The following PANK2 variants were observed in gnomAD, a reference collection of about 807,000 sequenced individuals.
PANK2 encodes pantothenate kinase 2, mitochondrial.
A neutral mutation model predicts 43.1 loss-of-function variants in PANK2; 36 were observed. The ratio of observed to expected loss-of-function variants is 0.84; its 90% CI spans 0.64 to 1.10. The LOEUF (loss-of-function observed/expected upper bound fraction) is 1.10. Ranked by LOEUF, PANK2 falls within the 50% of genes least tolerant of loss-of-function variation. PANK2 has a pLI of 0.00. For missense variants in PANK2, 576 were observed against 593.3 expected, an observed-to-expected ratio of 0.97 and a Z score of 0.30; for synonymous variants, 281 against 238.2, an observed-to-expected ratio of 1.18 and a Z score of -1.66.
Position 3,929,615 on chromosome 20 carries a change from C to T in PANK2, c.*6321C>T, listed in dbSNP as rs2090790700. 6.6e-6 allele frequency: 1 copy of T among 152,458 alleles called. No homozygotes were observed. The allele number at this position is 152,458 out of a possible 1,614,324, so 9.4% of individuals were successfully genotyped here. A position where few individuals can be genotyped will look rare whatever the true frequency, so the allele number is the denominator to read the frequency against. The stretch of plus-strand genomic sequence containing the variant: ...TTGCAGCCACACATCACCACTGGTC[C>T]TCACTTGGAACTGGCCAAGGTAGGG... On this transcript the variant is annotated 3_prime_UTR_variant, in exon 7 of 7. Coordinates refer to ENST00000610179, the MANE Select transcript of PANK2 (RefSeq NM_001386393.1).
At chr20:3,920,146 C>G (rs1263045300) in intron 6 of PANK2, among the ~76,000 whole-genome samples, 2 of 151,814 alleles carry the variant, frequency 1.3e-5, no homozygotes, top group Non-Finnish European at 2.9e-5. Context: ...AGATCTTTTT[C>G]TGCTTTATTT....
intron 1 of PANK2, among the ~76,000 whole-genome samples, chr20:3,900,035 G>GT (rs879845693): frequency 6.2e-4 from 92 of 148,152 alleles, no homozygotes; most frequent in African/African-American, 1.6e-3. Flanking sequence ...ACATGAGAGA[G>GT]TTTTTTTTTT....
chr20:3,892,688 A>T (rs1290177939), intron 1 of PANK2, among the ~76,000 whole-genome samples: 3 of 151,732 alleles, frequency 2.0e-5, no homozygotes, highest in African/African-American at 7.3e-5. Context: ...AAAAAAAAAA[A>T]AAAGCCTTAC....
rs1174801864 is a variant in PANK2 at position 3,924,055 on chromosome 20, T to C, written c.*761T>C. On this transcript the variant is annotated 3_prime_UTR_variant, in exon 7 of 7. Transcript: ENST00000610179. ...CACCCCCTCAGGGGATCAGGGAGAATCTGGTTTTTCTTTCAGGCTAAGTAG... is the reference window on the plus strand; with the variant it reads ...CACCCCCTCAGGGGATCAGGGAGAACCTGGTTTTTCTTTCAGGCTAAGTAG... 6.6e-6 allele frequency: 1 copy of C among 152,294 alleles called. No individual in the cohort carries two copies. Among genetic ancestry groups the C allele is most frequent in the Non-Finnish European group, 1.5e-5 (1 of 68,204 alleles). 9.4% of individuals were successfully genotyped at this position (152,294 alleles called of 1,614,324 possible). A position where few individuals can be genotyped will look rare whatever the true frequency, so the allele number is the denominator to read the frequency against.
At position 3,908,538 on chromosome 20, in the gene PANK2, C is replaced by G. The variant is rs147440363; in HGVS notation, c.651+260C>G. ...ATGAAAAATTAGGGCATCTGCTATACGTTGAGGAAGAAACTACCTAAAAGG... is the reference window on the plus strand; with the variant it reads ...ATGAAAAATTAGGGCATCTGCTATAGGTTGAGGAAGAAACTACCTAAAAGG... On this transcript the variant is annotated intron_variant, in intron 2 of 6. Coordinates refer to ENST00000610179, the MANE Select transcript of PANK2 (RefSeq NM_001386393.1). Among the ~76,000 whole-genome samples, 272 of 152,152 alleles carry G rather than the reference C, an allele frequency of 1.8e-3. 2 individuals are homozygous for G. Among genetic ancestry groups the G allele is most frequent in the African/African-American group, 6.3e-3 (260 of 41,506 alleles).
At chr20:3,919,643 TTTCC>T (rs2090617926) in intron 6 of PANK2, among the ~76,000 whole-genome samples, 1 of 152,236 alleles carries the variant, frequency 6.6e-6, no homozygotes. Flanking sequence ...CACTCTTATT[TTTCC>T]TATTTGGGGA....
intron 4 of PANK2, among the ~76,000 whole-genome samples, chr20:3,913,995 T>C (rs528366730): frequency 3.3e-5 from 5 of 151,920 alleles, no homozygotes; most frequent in South Asian, 4.2e-4. Flanking sequence ...TTCACTATGT[T>C]GGCCAGGATG....
At chr20:3,895,657 G>T (rs1799814071) in intron 1 of PANK2, among the ~76,000 whole-genome samples, 1 of 152,030 alleles carries the variant, frequency 6.6e-6, no homozygotes, top group African/African-American at 2.4e-5. Flanking sequence ...CTTTTCTCAG[G>T]TTCATAATTT....
chr20:3,913,136 T>A (rs946579337), intron 4 of PANK2, among the ~76,000 whole-genome samples: 1 of 151,986 alleles, frequency 6.6e-6, no homozygotes, highest in Non-Finnish European at 1.5e-5. Flanking sequence ...AAAGAAACCT[T>A]GTGTTCATTA....
chr20:3,919,446 G>A lies in PANK2; in HGVS notation c.1332+650G>A, dbSNP rs185219139. Among the ~76,000 whole-genome samples the A allele has an allele frequency of 1.4e-4, 21 of 152,152 alleles. No individual in the cohort carries two copies. The East Asian group carries it at 4.0e-3, about 29-fold the overall frequency. On this transcript the variant is annotated intron_variant, in intron 6 of 6. Coordinates refer to ENST00000610179, the MANE Select transcript of PANK2 (RefSeq NM_001386393.1). ...GGTTTTTTCATTTTTTTCAGTGCCA[G>A]TTTTTATATATTGTTGTAATTCTTG...
Position 3,916,955 on chromosome 20 carries a change from C to CGAG in PANK2, c.1112_1114dup (p.Arg371_Glu372insGly). ...TGGAAACATGATGAGCAAGGAGAAG[C>CGAG]GAGAGGCTGTCAGTAAAGAGGACCT... On this transcript the variant is annotated inframe_insertion, in exon 5 of 7. Transcript: ENST00000610179. The CGAG allele has an allele frequency of 6.2e-7, 1 of 1,613,982 alleles. No homozygotes were observed.
At position 3,897,250 on chromosome 20, in the gene PANK2, C is replaced by T. The variant is rs190943893; in HGVS notation, c.298+7522C>T. ...ATTATGGGACCTTGTGCTTTGCATACGTTTTGAAATGTGGCCTAAGTCAAG... is the reference window on the plus strand; with the variant it reads ...ATTATGGGACCTTGTGCTTTGCATATGTTTTGAAATGTGGCCTAAGTCAAG... On this transcript the variant is annotated intron_variant, in intron 1 of 6. Coordinates refer to ENST00000610179, the MANE Select transcript of PANK2 (RefSeq NM_001386393.1). 3.9e-5 allele frequency among the ~76,000 whole-genome samples: 6 copies of T among 152,248 alleles called. No homozygotes were observed. The South Asian group carries it at 6.2e-4, about 16-fold the overall frequency.
intron 4 of PANK2, among the ~76,000 whole-genome samples, chr20:3,914,977 A>G (rs1465372347): frequency 6.6e-6 from 1 of 152,146 alleles, no homozygotes; most frequent in South Asian, 2.1e-4. Flanking sequence ...GCTGAAGTCT[A>G]TTGCTAAGTT....
chr20:3,910,166 A>G (rs1456598430), intron 2 of PANK2, among the ~76,000 whole-genome samples: 1 of 152,154 alleles, frequency 6.6e-6, no homozygotes, highest in African/African-American at 2.4e-5. Flanking sequence ...CCTCTGTCAC[A>G]GTCCTTGTGG....
intron 1 of PANK2, among the ~76,000 whole-genome samples, chr20:3,903,827 C>A (rs567309723): frequency 6.6e-6 from 1 of 152,074 alleles, no homozygotes; most frequent in African/African-American, 2.4e-5. Context: ...CGTGGTTTCA[C>A]CATATTGGTC....
intron 1 of PANK2, chr20:3,901,522 T>C (rs1440323549): frequency 1.2e-5 from 9 of 721,548 alleles, no homozygotes; most frequent in Non-Finnish European, 1.4e-5. Context: ...AATCAGAATC[T>C]ATCTTTTCTT....
chr20:3,909,985 G>GACAT (rs2090442907), intron 2 of PANK2, among the ~76,000 whole-genome samples: 1 of 152,158 alleles, frequency 6.6e-6, no homozygotes, highest in South Asian at 2.1e-4. Context: ...AATTGATTAT[G>GACAT]AAACAGTTCA....
chr20:3,918,323 C>A (rs762420016), intron 5 of PANK2, among the ~76,000 whole-genome samples: 6 of 151,684 alleles, frequency 4.0e-5, no homozygotes, highest in Non-Finnish European at 8.8e-5. Context: ...GTATACTTTG[C>A]CTGTTTGTGT....
chr20:3,899,402 C>T (rs894384975), intron 1 of PANK2, among the ~76,000 whole-genome samples: 2 of 151,334 alleles, frequency 1.3e-5, no homozygotes, highest in Non-Finnish European at 2.9e-5. Context: ...AACTCCTAAC[C>T]TCTGGTGGTC....
Sources: allele counts gnomAD v4.1 joint callset (sites outside exome capture counted in the v4.1 genomes callset), GRCh38; gene constraint gnomAD v4.1.1; transcripts MANE v1.5; gene names NCBI Gene and HGNC (gene_info 2026-07-23, HGNC 2026-07-21).